HDAC2: variants seen among roughly 807,000 people sequenced by gnomAD.
The protein encoded by HDAC2 is histone deacetylase 2.
Under a neutral mutation model 68.5 loss-of-function variants are expected in HDAC2, and 5 were observed. The observed-to-expected ratio is 0.07, with a 90% CI of 0.04 to 0.15. HDAC2 has a LOEUF of 0.15. Ranked by LOEUF, HDAC2 falls within the 10% of genes least tolerant of loss-of-function variation. The pLI is 1.00. For missense variants in HDAC2, 291 were observed against 600.8 expected, an observed-to-expected ratio of 0.48 and a Z score of 5.39; for synonymous variants, 182 against 191.3, an observed-to-expected ratio of 0.95 and a Z score of 0.40.
intron 12 of HDAC2, among the ~76,000 whole-genome samples, chr6:113,943,115 C>A (rs540459432): frequency 6.6e-6 from 1 of 152,148 alleles, no homozygotes; most frequent in Non-Finnish European, 1.5e-5. Context: ...CTATTTTAAA[C>A]CTATGTTATC....
chr6:113,966,742 A>G (rs1190220334), intron 1 of HDAC2, among the ~76,000 whole-genome samples: 1 of 152,174 alleles, frequency 6.6e-6, no homozygotes, highest in African/African-American at 2.4e-5. Context: ...AGGAAGAAAA[A>G]TAAGGCAATA....
chr6:113,944,837 A>C (rs1038718482), intron 10 of HDAC2, among the ~76,000 whole-genome samples: 6 of 152,324 alleles, frequency 3.9e-5, no homozygotes, highest in Non-Finnish European at 5.9e-5. Context: ...ATGAGAAAAC[A>C]TAAGCACAAA....
At chr6:113,954,609 A>C (rs1266510322) in intron 5 of HDAC2, among the ~76,000 whole-genome samples, 1 of 152,256 alleles carries the variant, frequency 6.6e-6, no homozygotes, top group Admixed American at 6.5e-5. Context: ...CAACATCAAC[A>C]GTCAATTAAA....
chr6:113,963,941 A>C (rs1776751186), intron 1 of HDAC2, among the ~76,000 whole-genome samples: 1 of 152,186 alleles, frequency 6.6e-6, no homozygotes, highest in African/African-American at 2.4e-5. Context: ...TATTCCTTCA[A>C]ATTAGATATG....
chr6:113,963,263 T>C (rs1035268021), intron 1 of HDAC2, among the ~76,000 whole-genome samples: 9 of 151,860 alleles, frequency 5.9e-5, no homozygotes, highest in Admixed American at 5.2e-4. Context: ...TTTGTATTTT[T>C]AGTAGTGACG....
At chr6:113,959,650 T>A (rs907295710) in intron 2 of HDAC2, 41 of 233,006 alleles carry the variant, frequency 1.8e-4, no homozygotes, top group Admixed American at 4.5e-4. Context: ...GTTGTTGCTA[T>A]ACTGAGTTGT....
At chr6:113,959,728 G>A (rs372067006) in intron 2 of HDAC2, 178 bp downstream of exon 2, 5 of 447,500 alleles carry the variant, frequency 1.1e-5, no homozygotes, top group Admixed American at 8.0e-5. Flanking sequence ...AGGAAAAAGA[G>A]GGTATAGCTC....
chr6:113,938,881 G>C lies in HDAC2; in HGVS notation c.*2177C>G, dbSNP rs921777324. ...TGAAATTGCTTTAGATAGTTCTCTT[G>C]AGGTTTTAGTTGTATATAACCAACT... On this transcript the variant is annotated 3_prime_UTR_variant, in exon 14 of 14. Transcript: ENST00000519065. 1 of 152,042 alleles carries C rather than the reference G, an allele frequency of 6.6e-6. No homozygotes were observed. 9.4% of individuals were successfully genotyped at this position (152,042 alleles called of 1,614,324 possible). A position where few individuals can be genotyped will look rare whatever the true frequency, so the allele number is the denominator to read the frequency against.
chr6:113,958,638 T>G lies in HDAC2; in HGVS notation c.283+11A>C, dbSNP rs370986189. ...TATCAAAGCAAAACTACTTTTTACT[T>G]AGAAACGTACATCTCTGCATCTGCT... is the stretch of plus-strand genomic sequence containing the variant. On this transcript the variant is annotated intron_variant, in intron 3 of 13. Transcript: ENST00000519065. 3.0e-6 allele frequency: 4 copies of G among 1,322,342 alleles called. No homozygotes were observed. Among genetic ancestry groups the G allele is most frequent in the Middle Eastern group, 1.8e-4 (1 of 5,408 alleles). The allele number at this position is 1,322,342 out of a possible 1,614,324, so 81.9% of individuals were successfully genotyped here. A position where few individuals can be genotyped will look rare whatever the true frequency, so the allele number is the denominator to read the frequency against.
At chr6:113,941,138 A>G (rs1265046988) in intron 13 of HDAC2, 50 bp from the exon 14 acceptor site, 4 of 1,394,640 alleles carry the variant, frequency 2.9e-6, no homozygotes, top group Middle Eastern at 1.8e-4. Flanking sequence ...ATCTTGGTTT[A>G]AATGCACTGA....
At chr6:113,970,637 A>G (rs1435760958) in intron 1 of HDAC2, 7 of 1,344,524 alleles carry the variant, frequency 5.2e-6, no homozygotes, top group Non-Finnish European at 6.6e-6. Context: ...AGGAGACAAG[A>G]CGGGCGGGCC....
rs1039592480 is a variant in HDAC2, at chr6:113,934,790, A to G, written c.*6268T>C. ...ATCAAAAGGGAATAGCACAGGAATTATACCTAAGTCCATTACATATAACAC... is the reference window on the plus strand; with the variant it reads ...ATCAAAAGGGAATAGCACAGGAATTGTACCTAAGTCCATTACATATAACAC... On this transcript the variant is annotated 3_prime_UTR_variant, in exon 14 of 14. Coordinates refer to ENST00000519065, the MANE Select transcript of HDAC2 (RefSeq NM_001527.4). 1 of 152,262 alleles carries G rather than the reference A, an allele frequency of 6.6e-6. No homozygotes were observed. Among genetic ancestry groups the G allele is most frequent in the African/African-American group, 2.4e-5 (1 of 41,478 alleles). The allele number at this position is 152,262 out of a possible 1,614,324, so 9.4% of individuals were successfully genotyped here. A position where few individuals can be genotyped will look rare whatever the true frequency, so the allele number is the denominator to read the frequency against.
In HDAC2 at chr6:113,938,802, G is replaced by C. The variant is rs1180064000; in HGVS notation, c.*2256C>G. 1 of 152,004 alleles carries C rather than the reference G, an allele frequency of 6.6e-6. No homozygotes were observed. Among genetic ancestry groups the C allele is most frequent in the African/African-American group, 2.4e-5 (1 of 41,376 alleles). 9.4% of individuals were successfully genotyped at this position (152,004 alleles called of 1,614,324 possible). On this transcript the variant is annotated 3_prime_UTR_variant, in exon 14 of 14. Transcript: ENST00000519065. ...GGGTCTTTGTTCTTCCAACAGACTT[G>C]GTCACTAAGTGTTACTGATTTCTGT...
intron 1 of HDAC2, 113 bp downstream of exon 1, chr6:113,970,744 T>G: frequency 7.0e-7 from 1 of 1,419,564 alleles, no homozygotes; most frequent in Non-Finnish European, 9.1e-7. Context: ...TGCGGCCAAA[T>G]GTCGGTCCCT....
In HDAC2 at chr6:113,940,695, G is replaced by T. The variant is rs1178947314; in HGVS notation, c.*363C>A. On this transcript the variant is annotated 3_prime_UTR_variant, in exon 14 of 14. Transcript: ENST00000519065. ...CACTGAAACAAGACTTCATATTGTA[G>T]TAATAAACAGACAAAAGATAATCCA... 5.2e-6 allele frequency: 1 copy of T among 192,898 alleles called. No individual in the cohort carries two copies. Among genetic ancestry groups the T allele is most frequent in the Non-Finnish European group, 1.1e-5 (1 of 93,634 alleles). 11.9% of individuals were successfully genotyped at this position (192,898 alleles called of 1,614,324 possible).
chr6:113,953,426 C>T lies in HDAC2; in HGVS notation c.498-8G>A, dbSNP rs1776468189. The stretch of plus-strand genomic sequence containing the variant: ...AAGACTCTCTGATGATACCTGAAAA[C>T]AAATCCATAAGTTTTGGTTTTTCCT... On this transcript the variant is annotated splice_region_variant and splice_polypyrimidine_tract_variant and intron_variant, in intron 5 of 13. Transcript: ENST00000519065. 1.0e-5 allele frequency: 16 copies of T among 1,540,042 alleles called. No individual in the cohort carries two copies. Among genetic ancestry groups the T allele is most frequent in the Non-Finnish European group, 1.3e-5 (15 of 1,127,224 alleles).
At chr6:113,962,183 G>T (rs1380603721) in intron 1 of HDAC2, among the ~76,000 whole-genome samples, 1 of 151,934 alleles carries the variant, frequency 6.6e-6, no homozygotes, top group African/African-American at 2.4e-5. Context: ...ATAACCTTAT[G>T]ATGTGGGTAT....
At chr6:113,959,267 C>T (rs1776624869) in intron 2 of HDAC2, among the ~76,000 whole-genome samples, 1 of 152,018 alleles carries the variant, frequency 6.6e-6, no homozygotes, top group Admixed American at 6.5e-5. Context: ...TCTAACTTCC[C>T]CTCTTCTCTA....
In HDAC2 at chr6:113,971,043, C is replaced by G; in HGVS notation, c.-135G>C. ...CGATAGTCCCGCGGGGAAGGGCAGG[C>G]CGGTGGGAGGAGAGGAGGGGGCGCC... On this transcript the variant is annotated 5_prime_UTR_variant, in exon 1 of 14. Coordinates refer to ENST00000519065, the MANE Select transcript of HDAC2 (RefSeq NM_001527.4). 6.4e-7 allele frequency: 1 copy of G among 1,569,802 alleles called. No individual in the cohort carries two copies. The highest frequency in any genetic ancestry group is 8.6e-7 in the Non-Finnish European group (1 of 1,156,664).
Sources: allele counts gnomAD v4.1 joint callset (sites outside exome capture counted in the v4.1 genomes callset), GRCh38; gene constraint gnomAD v4.1.1; transcripts MANE v1.5; gene names NCBI Gene and HGNC (gene_info 2026-07-23, HGNC 2026-07-21).